Variants in MPP3 observed in about 807,000 individuals in gnomAD.
MPP3 encodes the protein MAGUK p55 subfamily member 3.
Under a neutral mutation model 80.7 loss-of-function variants are expected in MPP3, and 48 were observed. That is an observed-to-expected ratio of 0.59 (90% CI 0.47 to 0.76). The LOEUF (loss-of-function observed/expected upper bound fraction) is 0.76, where lower values mean the gene tolerates loss of function less well. MPP3 is among the 30% of genes least tolerant of loss of function. The pLI is 0.00. For synonymous variants in MPP3, 311 were observed against 297.6 expected (o/e 1.04, Z -0.46); for missense variants, 620 against 763.0 (o/e 0.81, Z 2.21).
At chr17:43,806,442 A>C (rs886637476) in intron 19 of MPP3, among the ~76,000 whole-genome samples, 3 of 152,178 alleles carry the variant, frequency 2.0e-5, no homozygotes, top group Non-Finnish European at 4.4e-5. Flanking sequence ...CTGGGATTAC[A>C]GGCGTGAGCC....
At chr17:43,812,059 G>A (rs1324921615) in intron 16 of MPP3, among the ~76,000 whole-genome samples, 1 of 152,212 alleles carries the variant, frequency 6.6e-6, no homozygotes, top group African/African-American at 2.4e-5. Context: ...AAGGAGACAG[G>A]AAGACAGACC....
chr17:43,811,463 A>G (rs1420999284), intron 16 of MPP3: 3 of 483,172 alleles, frequency 6.2e-6, no homozygotes, highest in African/African-American at 1.9e-5. Flanking sequence ...GGAGAGGTTC[A>G]GCACTGTGCA....
chr17:43,832,352 C>G (rs1374363106), intron 2 of MPP3: 2 of 222,622 alleles, frequency 9.0e-6, no homozygotes, highest in Non-Finnish European at 1.8e-5. Flanking sequence ...GCAGCGCGCC[C>G]CCTCCACTGC....
intron 11 of MPP3, among the ~76,000 whole-genome samples, chr17:43,820,502 G>C (rs1280751530): frequency 6.6e-6 from 1 of 151,260 alleles, no homozygotes; most frequent in Admixed American, 6.6e-5. Flanking sequence ...TGAGGCGGGA[G>C]AATTGCTTGA....
At chr17:43,813,191 T>C (rs893213057) in intron 16 of MPP3, among the ~76,000 whole-genome samples, 3 of 152,120 alleles carry the variant, frequency 2.0e-5, no homozygotes, top group African/African-American at 7.2e-5. Context: ...TGAGAGGCCA[T>C]TGTGCATCCT....
At chr17:43,813,844 T>C (rs2044980369) in intron 16 of MPP3, among the ~76,000 whole-genome samples, 167 bp downstream of exon 16, 1 of 151,926 alleles carries the variant, frequency 6.6e-6, no homozygotes, top group South Asian at 2.1e-4. Flanking sequence ...CCACTGGGAG[T>C]GGATTTCTTC....
chr17:43,807,076 T>A (rs1383935356), intron 19 of MPP3, among the ~76,000 whole-genome samples: 4 of 150,688 alleles, frequency 2.7e-5, no homozygotes. Context: ...GGTTCAAGTG[T>A]TTCTCCTGTC....
At chr17:43,820,641 T>C (rs900013630) in intron 11 of MPP3, among the ~76,000 whole-genome samples, 45 of 108,134 alleles carry the variant, frequency 4.2e-4, no homozygotes, top group African/African-American at 1.1e-3. Flanking sequence ...CACACACACA[T>C]TAACTTAATA....
At chr17:43,813,977 A>G (rs373742111) in intron 16 of MPP3, 34 bp downstream of exon 16, 20 of 1,502,242 alleles carry the variant, frequency 1.3e-5, no homozygotes, top group African/African-American at 4.1e-5. Flanking sequence ...GTGTGTGTGC[A>G]GACAAACACA....
chr17:43,826,723 G>A (rs143502931), intron 8 of MPP3, among the ~76,000 whole-genome samples: 24 of 152,064 alleles, frequency 1.6e-4, no homozygotes, highest in East Asian at 9.6e-4. Flanking sequence ...TAGTAATCCC[G>A]CAAGCCCATG....
At chr17:43,804,171 T>C (rs1219340711) in intron 19 of MPP3, among the ~76,000 whole-genome samples, 3 of 152,176 alleles carry the variant, frequency 2.0e-5, no homozygotes, top group Non-Finnish European at 4.4e-5. Flanking sequence ...CTGAAATATT[T>C]GCAAAACAAA....
Position 43,818,059 on chromosome 17 carries a change from G to A in MPP3, c.933C>T (p.Leu311=), listed in dbSNP as rs1320786526. Residue 311 remains leucine, a synonymous_variant, in exon 12 of 20, where the codon CTC becomes CTT. Coordinates refer to ENST00000398389, the MANE Select transcript of MPP3 (RefSeq NM_001932.6). ...CAATCTACTCACAGGGGGGCTTCCT[G>A]AGGCTCTGGGGGCTCGGCAGGGTGC... ...AAGTLPSPQS[L]RKPPYDQPCD... 2.5e-6 allele frequency: 4 copies of A among 1,583,800 alleles called. No individual in the cohort carries two copies. In the African/African-American group the frequency reaches 5.4e-5, roughly 22 times the overall value.
chr17:43,809,774 G>A (rs2044767325), intron 18 of MPP3, among the ~76,000 whole-genome samples: 2 of 152,132 alleles, frequency 1.3e-5, no homozygotes, highest in Non-Finnish European at 2.9e-5. Context: ...AGCTACTCGG[G>A]AGGCTGAGGC....
Position 43,819,782 on chromosome 17 carries a change from C to G in MPP3, c.881+1080G>C, listed in dbSNP as rs559101577. The stretch of plus-strand genomic sequence containing the variant: ...GATGCTATAATATGGAAAATACTCA[C>G]GCCAAAAATGTTTAAAAAAAAAAAA... On this transcript the variant is annotated intron_variant, in intron 11 of 19. Coordinates refer to ENST00000398389, the MANE Select transcript of MPP3 (RefSeq NM_001932.6). Among the ~76,000 whole-genome samples, 33 of 151,226 alleles carry G rather than the reference C, an allele frequency of 2.2e-4. No homozygotes were observed. The South Asian group carries it at 6.9e-3, about 32-fold the overall frequency.
At chr17:43,812,989 C>T (rs527302786) in intron 16 of MPP3, among the ~76,000 whole-genome samples, 3 of 151,780 alleles carry the variant, frequency 2.0e-5, no homozygotes, top group African/African-American at 7.3e-5. Context: ...CCAGGGAGAG[C>T]GGTGTGATCA....
At position 43,831,407 on chromosome 17, in the gene MPP3, C is replaced by A. The variant is rs1407347212; in HGVS notation, c.145-86G>T. 1.3e-5 allele frequency: 19 copies of A among 1,443,820 alleles called. No individual in the cohort carries two copies. The Admixed American group carries it at 1.8e-4, about 14-fold the overall frequency. The allele number at this position is 1,443,820 out of a possible 1,614,324, so 89.4% of individuals were successfully genotyped here. ...GGGACATTTGGGGCAGCAGACTGGG[C>A]CACTGACAGGGCACCATAAGAGAAA... On this transcript the variant is annotated intron_variant, in intron 4 of 19. Transcript: ENST00000398389.
rs142274148 is a variant in MPP3 at position 43,817,190 on chromosome 17, C to G, written c.947-493G>C. Reference sequence around the variant, plus strand: ...GCTCACTCGGTTACAAGTCTGCCCTCTAGTACCAGAGAGACCATGCTCTGG... The same window carrying G: ...GCTCACTCGGTTACAAGTCTGCCCTGTAGTACCAGAGAGACCATGCTCTGG... On this transcript the variant is annotated intron_variant, in intron 12 of 19. Coordinates refer to ENST00000398389, the MANE Select transcript of MPP3 (RefSeq NM_001932.6). 4.4e-3 allele frequency among the ~76,000 whole-genome samples: 672 copies of G among 152,306 alleles called. 3 individuals carry two copies. Among genetic ancestry groups the G allele is most frequent in the African/African-American group, 0.016 (645 of 41,570 alleles).
intron 13 of MPP3, 96 bp downstream of exon 13, chr17:43,816,581 C>A: frequency 1.7e-6 from 2 of 1,153,402 alleles, no homozygotes; most frequent in Non-Finnish European, 2.5e-6. Flanking sequence ...AGGGGCACAG[C>A]TGCCCAGATA....
At chr17:43,825,920 G>C (rs368578895) in intron 8 of MPP3, 79 bp from the exon 9 acceptor site, 6 of 922,532 alleles carry the variant, frequency 6.5e-6, no homozygotes, top group Middle Eastern at 2.2e-4. Flanking sequence ...GCACCACAGG[G>C]GCCGGCCTGA....
Sources: allele counts gnomAD v4.1 joint callset (sites outside exome capture counted in the v4.1 genomes callset), GRCh38; gene constraint gnomAD v4.1.1; transcripts MANE v1.5; gene names NCBI Gene and HGNC (gene_info 2026-07-23, HGNC 2026-07-21).